The following XPNPEP3 variants were observed in gnomAD, a reference collection of about 807,000 sequenced individuals.
XPNPEP3 encodes X-prolyl aminopeptidase 3.
A neutral mutation model predicts 60.0 loss-of-function variants in XPNPEP3; 41 were observed. That is an observed-to-expected ratio of 0.68 (90% confidence interval 0.53 to 0.89). The LOEUF is 0.89. XPNPEP3 is among the 40% of genes least tolerant of loss of function. The probability of loss-of-function intolerance (pLI) is 0.00; values close to 1 mark genes in which losing one functional copy is unlikely to be tolerated. For missense variants in XPNPEP3, 598 were observed against 638.9 expected (o/e 0.94, Z 0.69); for synonymous variants, 212 against 223.2 (o/e 0.95, Z 0.45).
At chr22:40,905,624 A>C (rs2058151757) in intron 4 of XPNPEP3, among the ~76,000 whole-genome samples, 1 of 152,170 alleles carries the variant, frequency 6.6e-6, no homozygotes, top group African/African-American at 2.4e-5. Context: ...GAAGGTGCTA[A>C]TTTAGATGGG....
chr22:40,866,357 G>A (rs1467708349), intron 1 of XPNPEP3, among the ~76,000 whole-genome samples: 3 of 152,036 alleles, frequency 2.0e-5, no homozygotes, highest in Admixed American at 2.0e-4. Flanking sequence ...CGTTGGGGAA[G>A]ACATCTGAAA....
In XPNPEP3 at chr22:40,885,760, G is replaced by A. The variant is rs150469559; in HGVS notation, c.590-553G>A. On this transcript the variant is annotated intron_variant, in intron 3 of 9. Transcript: ENST00000357137. ...AGCACTTTGGGAGACTGAGGCGGGTGGATCACAAGTCAGGAGTTCGAGACC... is the reference window on the plus strand; with the variant it reads ...AGCACTTTGGGAGACTGAGGCGGGTAGATCACAAGTCAGGAGTTCGAGACC... 8.8e-3 allele frequency among the ~76,000 whole-genome samples: 1,342 copies of A among 152,260 alleles called. 19 individuals are homozygous for A. The highest frequency in any genetic ancestry group is 0.031 in the African/African-American group (1,288 of 41,544).
At chr22:40,897,093 G>A (rs1054817532) in intron 4 of XPNPEP3, among the ~76,000 whole-genome samples, 7 of 143,308 alleles carry the variant, frequency 4.9e-5, no homozygotes, top group Non-Finnish European at 7.5e-5. Context: ...GTGCAGTGGC[G>A]CAATCTCGGC....
chr22:40,877,029 A>G (rs1334179572), intron 2 of XPNPEP3, among the ~76,000 whole-genome samples: 3 of 152,144 alleles, frequency 2.0e-5, no homozygotes. Flanking sequence ...GTCAGTCTCC[A>G]CCTTCATAGG....
intron 2 of XPNPEP3, among the ~76,000 whole-genome samples, chr22:40,879,354 A>G (rs944027766): frequency 2.0e-5 from 3 of 152,238 alleles, no homozygotes; most frequent in African/African-American, 7.2e-5. Context: ...AAAATATTTT[A>G]TTAATGGAAT....
chr22:40,924,552 T>C, intron 9 of XPNPEP3, 70 bp downstream of exon 9: 1 of 1,590,284 alleles, frequency 6.3e-7, no homozygotes, highest in Non-Finnish European at 8.6e-7. Flanking sequence ...GAGATGGAGT[T>C]TTGCTCTTTC....
At chr22:40,909,359 T>A in intron 6 of XPNPEP3, 124 bp downstream of exon 6, 2 of 803,298 alleles carry the variant, frequency 2.5e-6, no homozygotes, top group Non-Finnish European at 4.3e-6. Context: ...AGTATTTTAT[T>A]GCTTATAAAA....
At chr22:40,890,967 TAGG>T (rs929407348) in intron 4 of XPNPEP3, among the ~76,000 whole-genome samples, 2 of 152,138 alleles carry the variant, frequency 1.3e-5, no homozygotes, top group African/African-American at 4.8e-5. Context: ...TTATTTCTCA[TAGG>T]AGTCTAAATC....
At chr22:40,904,722 A>G (rs2058147826) in intron 4 of XPNPEP3, among the ~76,000 whole-genome samples, 1 of 152,212 alleles carries the variant, frequency 6.6e-6, no homozygotes, top group South Asian at 2.1e-4. Flanking sequence ...TTATTTGTCA[A>G]CATTTGTGAT....
Position 40,914,305 on chromosome 22 carries a change from A to G in XPNPEP3, c.1036A>G (p.Thr346Ala). Residue 346 changes from threonine to alanine, a missense_variant, in exon 7 of 10, where the codon ACG becomes GCG. Transcript: ENST00000357137. ...SSCYVSDITRTWPVNGRFTAP... is the reference protein window; with the variant it reads ...SSCYVSDITRAWPVNGRFTAP... ...CTGCTATGTGAGTGACATCACACGT[A>G]CGTGGCCAGTCAATGGCAGGTAGGG... 1 of 1,614,010 alleles carries G rather than the reference A, an allele frequency of 6.2e-7. No homozygotes were observed. Among genetic ancestry groups the G allele is most frequent in the South Asian group, 1.1e-5 (1 of 91,088 alleles).
At position 40,922,339 on chromosome 22, in the gene XPNPEP3, C is replaced by T. The variant is rs541696187; in HGVS notation, c.1062C>T (p.Thr354=). 4.3e-5 allele frequency: 69 copies of T among 1,613,682 alleles called. No individual in the cohort carries two copies. The highest frequency in any genetic ancestry group is 2.2e-4 in the South Asian group (20 of 91,064). ...TTGGTTTTCCCGTCCCCAGGTTCAC[C>T]GCACCTCAGGCAGAACTCTATGAAG... ...TRTWPVNGRF[T]APQAELYEAV... The change falls in exon 8 of 10, where the codon ACC becomes ACT. Residue 354 remains threonine (T), a synonymous_variant. Coordinates refer to ENST00000357137, the MANE Select transcript of XPNPEP3 (RefSeq NM_022098.4).
At chr22:40,869,680 A>ATCCCCATAATAATTAAAGCACCAGTAC (rs2057995814) in intron 2 of XPNPEP3, among the ~76,000 whole-genome samples, 1 of 152,184 alleles carries the variant, frequency 6.6e-6, no homozygotes, top group Non-Finnish European at 1.5e-5. Context: ...TTGTTTTACT[A>ATCCCCATAATAATTAAAGCACCAGTAC]ATTTTTTTTT....
intron 4 of XPNPEP3, among the ~76,000 whole-genome samples, chr22:40,902,486 G>A (rs2058138277): frequency 6.6e-6 from 1 of 152,006 alleles, no homozygotes. Context: ...TCCTGACCTC[G>A]TGATCCGCCC....
At chr22:40,885,295 C>T (rs950930316) in intron 3 of XPNPEP3, among the ~76,000 whole-genome samples, 1 of 152,006 alleles carries the variant, frequency 6.6e-6, no homozygotes, top group African/African-American at 2.4e-5. Context: ...CTGTTTGTAG[C>T]CTACTGTTAG....
chr22:40,903,837 C>G (rs899181314), intron 4 of XPNPEP3, among the ~76,000 whole-genome samples: 19 of 150,354 alleles, frequency 1.3e-4, no homozygotes, highest in African/African-American at 4.6e-4. Flanking sequence ...ATCCATGGGA[C>G]AATGTTAAGG....
intron 2 of XPNPEP3, among the ~76,000 whole-genome samples, chr22:40,874,768 C>G (rs1464244914): frequency 1.3e-5 from 2 of 152,112 alleles, no homozygotes; most frequent in South Asian, 4.2e-4. Flanking sequence ...TTCTCACATA[C>G]ACCACTAACC....
chr22:40,883,299 A>G (rs1255951132), intron 3 of XPNPEP3, among the ~76,000 whole-genome samples: 1 of 152,184 alleles, frequency 6.6e-6, no homozygotes, highest in Admixed American at 6.6e-5. Flanking sequence ...TCCCCTATCT[A>G]CTGAATCAGA....
chr22:40,922,556 AT>A, intron 8 of XPNPEP3, 43 bp downstream of exon 8: 2 of 1,607,200 alleles, frequency 1.2e-6, no homozygotes, highest in Non-Finnish European at 1.7e-6. Context: ...AACACCTAGC[AT>A]GCTGCTAGGT....
intron 7 of XPNPEP3, among the ~76,000 whole-genome samples, chr22:40,921,212 C>G (rs928028768): frequency 2.0e-5 from 3 of 152,104 alleles, no homozygotes; most frequent in Non-Finnish European, 2.9e-5. Context: ...GCAACTGCCT[C>G]AAGGGACATA....
Sources: allele counts gnomAD v4.1 joint callset (sites outside exome capture counted in the v4.1 genomes callset), GRCh38; gene constraint gnomAD v4.1.1; transcripts MANE v1.5; gene names NCBI Gene and HGNC (gene_info 2026-07-23, HGNC 2026-07-21).